AGBL4: variants seen among roughly 807,000 people sequenced by gnomAD.
The protein encoded by AGBL4 is cytosolic carboxypeptidase 6.
Under a neutral mutation model 66.4 loss-of-function variants are expected in AGBL4, and 58 were observed. The ratio of observed to expected loss-of-function variants is 0.87; its 90% confidence interval spans 0.71 to 1.09. The LOEUF (loss-of-function observed/expected upper bound fraction) is 1.09. Among genes scored for constraint, AGBL4 ranks in the 50% least tolerant of loss-of-function variants. The pLI, the probability that AGBL4 is intolerant of heterozygous loss-of-function variation, is 0.00. For synonymous variants in AGBL4, 234 were observed against 222.9 expected, an observed-to-expected ratio of 1.05 and a Z score of -0.44; for missense variants, 579 against 631.0, an observed-to-expected ratio of 0.92 and a Z score of 0.88.
chr1:49,287,712 C>A (rs1388563358), intron 3 of AGBL4, among the ~76,000 whole-genome samples: 2 of 151,294 alleles, frequency 1.3e-5, no homozygotes, highest in African/African-American at 2.4e-5. Flanking sequence ...AGTCAGGAAA[C>A]AACAGGTGCT....
At chr1:48,966,164 C>T (rs936599865) in intron 5 of AGBL4, among the ~76,000 whole-genome samples, 4 of 152,086 alleles carry the variant, frequency 2.6e-5, no homozygotes, top group African/African-American at 4.8e-5. Flanking sequence ...TGAGAATGGA[C>T]GTCAACCCAT....
intron 2 of AGBL4, among the ~76,000 whole-genome samples, chr1:49,765,165 C>T (rs1194626040): frequency 6.6e-6 from 1 of 152,104 alleles, no homozygotes; most frequent in Non-Finnish European, 1.5e-5. Context: ...AGAGCTCCAG[C>T]CATTCCAAGG....
At chr1:49,609,273 A>G (rs1645112645) in intron 3 of AGBL4, among the ~76,000 whole-genome samples, 1 of 152,160 alleles carries the variant, frequency 6.6e-6, no homozygotes, top group Non-Finnish European at 1.5e-5. Context: ...TATGATAATT[A>G]TTGTTTTTAT....
intron 11 of AGBL4, among the ~76,000 whole-genome samples, chr1:48,558,457 A>C (rs1342452471): frequency 1.3e-5 from 2 of 152,234 alleles, no homozygotes; most frequent in East Asian, 3.8e-4. Context: ...GACTCCACTC[A>C]GACTGTGGGT....
At chr1:48,670,691 C>T (rs747255785) in intron 6 of AGBL4, among the ~76,000 whole-genome samples, 6 of 152,210 alleles carry the variant, frequency 3.9e-5, no homozygotes, top group Non-Finnish European at 8.8e-5. Flanking sequence ...AGGCTAATGG[C>T]AGGATAGATA....
chr1:49,747,756 T>C (rs1651099044), intron 2 of AGBL4, among the ~76,000 whole-genome samples: 1 of 152,166 alleles, frequency 6.6e-6, no homozygotes. Flanking sequence ...TATCGACTGA[T>C]CTATCGACAT....
At chr1:48,948,122 C>T (rs1245477634) in intron 5 of AGBL4, among the ~76,000 whole-genome samples, 1 of 152,160 alleles carries the variant, frequency 6.6e-6, no homozygotes, top group Admixed American at 6.6e-5. Context: ...TGGATCATCT[C>T]TTTTCACTTA....
At chr1:49,322,105 G>A (rs1336483644) in intron 3 of AGBL4, among the ~76,000 whole-genome samples, 2 of 152,148 alleles carry the variant, frequency 1.3e-5, no homozygotes, top group Non-Finnish European at 2.9e-5. Context: ...CTGAGATTTG[G>A]GGAACCAAAC....
chr1:48,653,690 G>A (rs1396164043), intron 7 of AGBL4, among the ~76,000 whole-genome samples: 2 of 152,194 alleles, frequency 1.3e-5, no homozygotes. Context: ...GCAGGAGGGA[G>A]AGAGCATTTC....
At chr1:48,590,562 A>G (rs1644899870) in intron 10 of AGBL4, among the ~76,000 whole-genome samples, 1 of 152,128 alleles carries the variant, frequency 6.6e-6, no homozygotes, top group South Asian at 2.1e-4. Context: ...TCTCAAAACA[A>G]AACAAAACAA....
At chr1:49,275,618 G>A (rs1249551141) in intron 3 of AGBL4, among the ~76,000 whole-genome samples, 1 of 152,076 alleles carries the variant, frequency 6.6e-6, no homozygotes, top group African/African-American at 2.4e-5. Flanking sequence ...GAACTAGAGA[G>A]AGAAAAAATG....
intron 2 of AGBL4, among the ~76,000 whole-genome samples, chr1:49,844,097 A>G (rs191838788): frequency 4.6e-5 from 7 of 152,328 alleles, no homozygotes; most frequent in Non-Finnish European, 2.9e-5. Context: ...TTAATACACC[A>G]AGGGTCATTT....
intron 1 of AGBL4, among the ~76,000 whole-genome samples, chr1:49,967,105 T>C (rs918319469): frequency 3.3e-5 from 5 of 152,166 alleles, no homozygotes; most frequent in Admixed American, 1.3e-4. Context: ...ATGGTTGAAC[T>C]AGTTTACACT....
At chr1:48,879,426 C>T (rs963319620) in intron 5 of AGBL4, among the ~76,000 whole-genome samples, 4 of 151,606 alleles carry the variant, frequency 2.6e-5, no homozygotes, top group African/African-American at 4.9e-5. Flanking sequence ...TCTGATTTCT[C>T]AACAATGCAG....
intron 3 of AGBL4, among the ~76,000 whole-genome samples, chr1:49,659,170 A>G (rs1227644321): frequency 6.6e-6 from 1 of 152,182 alleles, no homozygotes; most frequent in Non-Finnish European, 1.5e-5. Context: ...GAAGCATTAA[A>G]TATGGAAAGG....
Position 49,468,063 on chromosome 1 carries a change from CAAAT to C in AGBL4, c.283-222203_283-222200del, listed in dbSNP as rs562206069. ...AATTAGGCAAAATCTTATCTTTAGA[CAAAT>C]AAAATTGCAGTTGATCCTTCAACAA... On this transcript the variant is annotated intron_variant, in intron 3 of 13. Coordinates refer to ENST00000371839, the MANE Select transcript of AGBL4 (RefSeq NM_032785.4). Among the ~76,000 whole-genome samples the C allele has an allele frequency of 4.0e-3, 611 of 151,810 alleles. 5 individuals are homozygous for C. The highest frequency in any genetic ancestry group is 0.013 in the African/African-American group (534 of 41,472).
intron 4 of AGBL4, among the ~76,000 whole-genome samples, chr1:49,066,672 T>G (rs1401031096): frequency 6.6e-6 from 1 of 152,230 alleles, no homozygotes; most frequent in Non-Finnish European, 1.5e-5. Flanking sequence ...CTGCTCTTTC[T>G]GGCTAAGTTT....
chr1:49,887,123 C>T (rs1648123736), intron 1 of AGBL4, among the ~76,000 whole-genome samples: 1 of 142,788 alleles, frequency 7.0e-6, no homozygotes, highest in Non-Finnish European at 1.5e-5. Context: ...TAATAAAGTG[C>T]TTTACATTTT....
chr1:49,190,293 T>C (rs978786821), intron 4 of AGBL4, among the ~76,000 whole-genome samples: 3 of 152,154 alleles, frequency 2.0e-5, no homozygotes, highest in Admixed American at 6.6e-5. Context: ...AAATAATCTA[T>C]AGCTCCCTTG....
Sources: allele counts gnomAD v4.1 joint callset (sites outside exome capture counted in the v4.1 genomes callset), GRCh38; gene constraint gnomAD v4.1.1; transcripts MANE v1.5; gene names NCBI Gene and HGNC (gene_info 2026-07-23, HGNC 2026-07-21).